FOXP4: variants seen among roughly 807,000 people sequenced by gnomAD.
FOXP4 encodes forkhead box P4.
A neutral mutation model predicts 82.6 loss-of-function variants in FOXP4; 25 were observed. That is an observed-to-expected ratio of 0.30 (90% CI 0.22 to 0.42). The LOEUF is 0.42. FOXP4 is among the 10% of genes least tolerant of loss of function. The pLI is 1.00. For missense variants in FOXP4, 785 were observed against 900.9 expected (o/e 0.87, Z 1.65); for synonymous variants, 415 against 388.2 (o/e 1.07, Z -0.81).
rs549002725 is a variant in FOXP4 at position 41,565,575 on chromosome 6, C to T, written c.-16-170C>T. Among the ~76,000 whole-genome samples, 123 of 152,186 alleles carry T rather than the reference C, an allele frequency of 8.1e-4. 1 individual carries two copies. Among genetic ancestry groups the T allele is most frequent in the Admixed American group, 5.9e-3 (90 of 15,292 alleles). ...AGCCACCCCTCACCTGGGGGGACAT[C>T]GGGAGGAGCCACATTCCATCAGGCA... On this transcript the variant is annotated intron_variant, in intron 1 of 16. Coordinates refer to ENST00000307972, the MANE Select transcript of FOXP4 (RefSeq NM_001012426.2).
In FOXP4 at chr6:41,589,776, C is replaced by T; in HGVS notation, c.1071C>T (p.Ala357=). 2 of 1,611,306 alleles carry T rather than the reference C, an allele frequency of 1.2e-6. No individual in the cohort carries two copies. The highest frequency in any genetic ancestry group is 2.2e-5 in the South Asian group (2 of 91,056). ...TGCTTTGCCACCCTCCACAGCTCGC[C>T]AAGGAGAGCGAGCGGCTGCAGGCCA... The part of the protein sequence containing the change: ...QVVQQLEIQL[A]KESERLQAMM... The change falls in exon 10 of 17, where the codon GCC becomes GCT. Residue 357 remains alanine, a synonymous_variant. Transcript: ENST00000307972.
At chr6:41,549,220 G>A (rs531946252) in intron 1 of FOXP4, among the ~76,000 whole-genome samples, 40 of 152,240 alleles carry the variant, frequency 2.6e-4, no homozygotes, top group Non-Finnish European at 5.1e-4. Context: ...CCTGGGTGGA[G>A]TTTTCTGTCC....
chr6:41,594,461 C>T (rs1378202230), intron 13 of FOXP4, among the ~76,000 whole-genome samples: 1 of 152,204 alleles, frequency 6.6e-6, no homozygotes, highest in African/African-American at 2.4e-5. Context: ...ATGAAGCATC[C>T]TGGGCTCGCA....
intron 3 of FOXP4, among the ~76,000 whole-genome samples, chr6:41,584,189 C>T (rs192295129): frequency 5.3e-5 from 8 of 152,352 alleles, no homozygotes; most frequent in Admixed American, 2.6e-4. Flanking sequence ...CTGTGTGTGC[C>T]GTCCAGGCAG....
rs1275137498 is a variant in FOXP4 at position 41,593,702 on chromosome 6, C to A, written c.1537-1168C>A. Among the ~76,000 whole-genome samples the A allele has an allele frequency of 6.6e-6, 1 of 152,164 alleles. No homozygotes were observed. Among genetic ancestry groups the A allele is most frequent in the East Asian group, 1.9e-4 (1 of 5,192 alleles). On this transcript the variant is annotated intron_variant, in intron 13 of 16. Transcript: ENST00000307972. This position sits in a 1 kb window ranked among gnomAD's most constrained non-coding sequence, Gnocchi z 4.1. Reference sequence around the variant, plus strand: ...TCGCTCCAAGAGATTCCACTCCAGCCGCCCGCCTCCCTCGTGGATTAGCAA... The same window carrying A: ...TCGCTCCAAGAGATTCCACTCCAGCAGCCCGCCTCCCTCGTGGATTAGCAA...
Position 41,589,982 on chromosome 6 carries a change from C to T in FOXP4, c.1169C>T (p.Ser390Phe). 1.2e-6 allele frequency: 2 copies of T among 1,613,774 alleles called. No individual in the cohort carries two copies. The highest frequency in any genetic ancestry group is 1.7e-6 in the Non-Finnish European group (2 of 1,179,808). Residue 390 changes from serine (S) to phenylalanine (F), a missense_variant, in exon 11 of 17, where the codon TCC becomes TTC. Around this residue, in one of 3 missense-constraint regions of FOXP4, gnomAD observed 570 missense variants for 634.0 expected, o/e 0.90. Coordinates refer to ENST00000307972, the MANE Select transcript of FOXP4 (RefSeq NM_001012426.2). ...FSQPLNPVPG[S>F]SSFSKVTVSA... The stretch of plus-strand genomic sequence containing the variant: ...TCACAGCTGAACCCGGTCCCCGGCT[C>T]CTCCTCATTCTCCAAGGTGACCGTC...
Position 41,565,651 on chromosome 6 carries a change from C to T in FOXP4, c.-16-94C>T, listed in dbSNP as rs982771437. ...GAGGAGAAGTAGATGCCCAGCTACTCCTGTGGCGATGGTTATGTTTTTGGG... is the reference window on the plus strand; with the variant it reads ...GAGGAGAAGTAGATGCCCAGCTACTTCTGTGGCGATGGTTATGTTTTTGGG... On this transcript the variant is annotated intron_variant, in intron 1 of 16. Coordinates refer to ENST00000307972, the MANE Select transcript of FOXP4 (RefSeq NM_001012426.2). The T allele has an allele frequency of 7.7e-6, 9 of 1,164,188 alleles. No homozygotes were observed. In the South Asian group the frequency reaches 1.0e-4, roughly 14 times the overall value. The allele number at this position is 1,164,188 out of a possible 1,614,324, so 72.1% of individuals were successfully genotyped here.
At position 41,591,097 on chromosome 6, in the gene FOXP4, G is replaced by A; in HGVS notation, c.1435-124G>A. The A allele has an allele frequency of 1.3e-6, 1 of 747,262 alleles. No homozygotes were observed. The highest frequency in any genetic ancestry group is 2.3e-4 in the Middle Eastern group (1 of 4,282). 46.3% of individuals were successfully genotyped at this position (747,262 alleles called of 1,614,324 possible). A position where few individuals can be genotyped will look rare whatever the true frequency, so the allele number is the denominator to read the frequency against. Reference sequence around the variant, plus strand: ...CATCTTGTTATCCACACATTTCTGAGCAGGTCTTCTCACAAAGTGAACTCG... The same window carrying A: ...CATCTTGTTATCCACACATTTCTGAACAGGTCTTCTCACAAAGTGAACTCG... On this transcript the variant is annotated intron_variant, in intron 12 of 16. Transcript: ENST00000307972. The surrounding 1 kb of genome is among the most constrained non-coding windows in gnomAD (Gnocchi z 4.2).
intron 2 of FOXP4, among the ~76,000 whole-genome samples, 154 bp downstream of exon 2, chr6:41,566,118 C>A (rs1017486386): frequency 1.3e-5 from 2 of 152,208 alleles, no homozygotes; most frequent in Non-Finnish European, 2.9e-5. Flanking sequence ...CCCTGTCCAC[C>A]CACCCATTCT....
chr6:41,552,874 G>A (rs1313170894), intron 1 of FOXP4, among the ~76,000 whole-genome samples: 3 of 152,080 alleles, frequency 2.0e-5, no homozygotes, highest in Non-Finnish European at 4.4e-5. Context: ...GAGGGTCCCC[G>A]GTAAGCCCAC....
At chr6:41,595,093 T>A (rs770433402) in intron 14 of FOXP4, 102 bp downstream of exon 14, 5 of 1,528,846 alleles carry the variant, frequency 3.3e-6, no homozygotes, top group Non-Finnish European at 4.4e-6. Context: ...CACCAGATCC[T>A]TCCTGGCTGG....
chr6:41,551,184 C>G (rs931097171), intron 1 of FOXP4, among the ~76,000 whole-genome samples: 1 of 152,176 alleles, frequency 6.6e-6, no homozygotes, highest in African/African-American at 2.4e-5. Flanking sequence ...AGAGCCTGGA[C>G]GCAGGGCACA....
intron 13 of FOXP4, among the ~76,000 whole-genome samples, chr6:41,594,194 G>A (rs1317541765): frequency 1.3e-5 from 2 of 152,198 alleles, no homozygotes; most frequent in Non-Finnish European, 2.9e-5. Context: ...GGACAGACAA[G>A]GTGACTTATC....
chr6:41,552,873 C>T (rs1212651782), intron 1 of FOXP4, among the ~76,000 whole-genome samples: 1 of 152,094 alleles, frequency 6.6e-6, no homozygotes, highest in South Asian at 2.1e-4. Context: ...TGAGGGTCCC[C>T]GGTAAGCCCA....
rs1767081572 is a variant in FOXP4, at chr6:41,599,329, C to G, written c.*393C>G. The G allele has an allele frequency of 5.9e-6, 1 of 169,232 alleles. No individual in the cohort carries two copies. The highest frequency in any genetic ancestry group is 1.6e-4 in the South Asian group (1 of 6,122). The allele number at this position is 169,232 out of a possible 1,614,324, so 10.5% of individuals were successfully genotyped here. ...AGCCACCCCTCAAACCCAGGGCCCC[C>G]TGGCACCTGGCTCTGGCCGTGTTTT... On this transcript the variant is annotated 3_prime_UTR_variant, in exon 17 of 17. Transcript: ENST00000307972.
At chr6:41,580,224 A>C (rs1219128245) in intron 3 of FOXP4, among the ~76,000 whole-genome samples, 1 of 151,874 alleles carries the variant, frequency 6.6e-6, no homozygotes, top group African/African-American at 2.4e-5. Context: ...TATTTTTAGT[A>C]GGGTTGTATT....
At chr6:41,551,390 C>G (rs1763990620) in intron 1 of FOXP4, among the ~76,000 whole-genome samples, 2 of 152,130 alleles carry the variant, frequency 1.3e-5, no homozygotes, top group South Asian at 2.1e-4. Context: ...TCCCGGCTGT[C>G]CCTCTGGCAC....
intron 2 of FOXP4, among the ~76,000 whole-genome samples, chr6:41,569,178 T>G (rs1349555164): frequency 6.6e-6 from 1 of 152,160 alleles, no homozygotes; most frequent in Non-Finnish European, 1.5e-5. Context: ...CTGTCTACCC[T>G]GAGGAGAAGG....
intron 3 of FOXP4, among the ~76,000 whole-genome samples, chr6:41,579,721 G>T (rs900464387): frequency 6.6e-6 from 1 of 152,192 alleles, no homozygotes; most frequent in Admixed American, 6.5e-5. Flanking sequence ...CAGATAAAAT[G>T]ATGTTTTTCT....
Sources: gnomAD v4.1 joint callset for allele counts (sites outside exome capture counted in the v4.1 genomes callset) on GRCh38, gnomAD v4.1.1 for gene constraint, gnomAD v4.1.1 regional missense constraint, Gnocchi (gnomAD v3.1) non-coding constraint, MANE v1.5 for transcripts, NCBI Gene and HGNC (gene_info 2026-07-23, HGNC 2026-07-21) for gene names.